MDGA2: variants seen among roughly 807,000 people sequenced by gnomAD.
The protein encoded by MDGA2 is MAM domain containing glycosylphosphatidylinositol anchor 2, also known as MAM domain-containing glycosylphosphatidylinositol anchor protein 2.
Under a neutral mutation model 117.8 loss-of-function variants are expected in MDGA2, and 40 were observed. That is an observed-to-expected ratio of 0.34 (90% confidence interval 0.26 to 0.44). The LOEUF is 0.44. Ranked by LOEUF, MDGA2 falls within the 20% of genes least tolerant of loss-of-function variation. The pLI, the probability that MDGA2 is intolerant of heterozygous loss-of-function variation, is 1.00. For missense variants in MDGA2, 1,123 were observed against 1,250.6 expected (o/e 0.90, Z 1.54); for synonymous variants, 452 against 439.0 (o/e 1.03, Z -0.37).
chr14:47,090,276 T>A (rs955044932), intron 6 of MDGA2, among the ~76,000 whole-genome samples: 1 of 152,134 alleles, frequency 6.6e-6, no homozygotes, highest in African/African-American at 2.4e-5. Flanking sequence ...GAAAGTGAAA[T>A]TCATGCCTCA....
In MDGA2 at chr14:46,909,365, A is replaced by G. The variant is rs527995785; in HGVS notation, c.2238+10647T>C. On this transcript the variant is annotated intron_variant, in intron 10 of 16. Transcript: ENST00000399232. ...AGTATTTGGTTCTTTTATTTCTTAC[A>G]AGTTCAAGGAAGAACATTTTTTTTC... Among the ~76,000 whole-genome samples the G allele has an allele frequency of 2.0e-5, 3 of 152,262 alleles. No individual in the cohort carries two copies. The South Asian group carries it at 6.2e-4, about 32-fold the overall frequency.
intron 1 of MDGA2, among the ~76,000 whole-genome samples, chr14:47,595,511 G>C (rs1201685981): frequency 6.9e-6 from 1 of 145,576 alleles, no homozygotes; most frequent in Non-Finnish European, 1.5e-5. Flanking sequence ...TCCAGCCTAG[G>C]TGACGAGTGA....
Position 47,617,545 on chromosome 14 carries a change from T to C in MDGA2, c.280+56972A>G, listed in dbSNP as rs11847450. Among the ~76,000 whole-genome samples, 271 of 152,286 alleles carry C rather than the reference T, an allele frequency of 1.8e-3. 2 individuals are homozygous for C. The highest frequency in any genetic ancestry group is 6.2e-3 in the African/African-American group (259 of 41,556). The stretch of plus-strand genomic sequence containing the variant: ...ATGAAAAACTGGTGAGCTTGCATGC[T>C]GCTGTCAAGTCAGTACAGTTTTAAA... On this transcript the variant is annotated intron_variant, in intron 1 of 16. Transcript: ENST00000399232.
intron 1 of MDGA2, among the ~76,000 whole-genome samples, chr14:47,498,983 T>A (rs1362115966): frequency 6.6e-6 from 1 of 151,938 alleles, no homozygotes; most frequent in Non-Finnish European, 1.5e-5. Context: ...CACTCAATAT[T>A]TTAATACTTA....
intron 6 of MDGA2, among the ~76,000 whole-genome samples, chr14:47,076,878 TAG>T (rs1228451915): frequency 1.3e-5 from 2 of 152,128 alleles, no homozygotes; most frequent in African/African-American, 4.8e-5. Context: ...GGAAACAAAA[TAG>T]AGTCATAATT....
At chr14:47,543,549 C>T (rs1012590274) in intron 1 of MDGA2, among the ~76,000 whole-genome samples, 1 of 152,196 alleles carries the variant, frequency 6.6e-6, no homozygotes, top group African/African-American at 2.4e-5. Context: ...AATATAACTT[C>T]TGAGCAGATG....
intron 1 of MDGA2, among the ~76,000 whole-genome samples, chr14:47,534,568 A>T (rs1455718364): frequency 6.6e-6 from 1 of 152,140 alleles, no homozygotes; most frequent in African/African-American, 2.4e-5. Flanking sequence ...AGATCTCGTG[A>T]GAACTCGCTC....
intron 1 of MDGA2, among the ~76,000 whole-genome samples, chr14:47,459,131 A>T (rs1450738237): frequency 6.6e-6 from 1 of 151,896 alleles, no homozygotes; most frequent in Non-Finnish European, 1.5e-5. Context: ...CACCTCCAGA[A>T]GGAAATGTGA....
At chr14:47,370,468 GTTTTTTTTTTTTTT>G (rs67255552) in intron 1 of MDGA2, among the ~76,000 whole-genome samples, 1 of 20,678 alleles carries the variant, frequency 4.8e-5, no homozygotes, top group African/African-American at 1.3e-4. Flanking sequence ...TCTACTTACT[GTTTTTTTTTTTTTT>G]TTTTTTTTTT....
At chr14:47,606,482 T>A (rs78769990) in intron 1 of MDGA2, among the ~76,000 whole-genome samples, 4,985 of 152,280 alleles carry the variant, frequency 0.033, 286 homozygotes, top group African/African-American at 0.11. Flanking sequence ...TTATTATATT[T>A]ATCACATGTC....
chr14:47,659,612 G>A (rs1020504714), intron 1 of MDGA2, among the ~76,000 whole-genome samples: 1 of 152,114 alleles, frequency 6.6e-6, no homozygotes, highest in African/African-American at 2.4e-5. Flanking sequence ...ACAACATAGA[G>A]ATGTACTTAA....
chr14:47,451,064 T>C (rs1893231581), intron 1 of MDGA2, among the ~76,000 whole-genome samples: 1 of 152,126 alleles, frequency 6.6e-6, no homozygotes, highest in African/African-American at 2.4e-5. Flanking sequence ...CTCAGTGGAT[T>C]CTTCCCTGTC....
chr14:47,469,296 T>A (rs1257109320), intron 1 of MDGA2, among the ~76,000 whole-genome samples: 6 of 152,044 alleles, frequency 3.9e-5, no homozygotes, highest in Non-Finnish European at 5.9e-5. Context: ...CCTAATGCTA[T>A]CCCTCCCCAC....
At chr14:47,150,828 G>A (rs1883133080) in intron 3 of MDGA2, among the ~76,000 whole-genome samples, 1 of 151,540 alleles carries the variant, frequency 6.6e-6, no homozygotes, top group Non-Finnish European at 1.5e-5. Context: ...GAAGGCTGAG[G>A]CATGAGAATC....
intron 7 of MDGA2, among the ~76,000 whole-genome samples, chr14:47,056,010 T>A (rs181994028): frequency 6.6e-6 from 1 of 152,280 alleles, no homozygotes; most frequent in East Asian, 1.9e-4. Context: ...TACATAACTT[T>A]TGATTGCAGG....
chr14:47,351,684 T>C (rs997080390), intron 1 of MDGA2, among the ~76,000 whole-genome samples: 1 of 152,166 alleles, frequency 6.6e-6, no homozygotes, highest in African/African-American at 2.4e-5. Context: ...ATAAGTTTCA[T>C]GTTAATACCT....
intron 6 of MDGA2, among the ~76,000 whole-genome samples, chr14:47,064,724 T>C (rs1438626720): frequency 6.6e-6 from 1 of 152,114 alleles, no homozygotes; most frequent in East Asian, 1.9e-4. Flanking sequence ...CAATTGTGCC[T>C]GAGTTTTGAA....
At chr14:47,139,362 C>G (rs1033922782) in intron 4 of MDGA2, among the ~76,000 whole-genome samples, 1 of 152,018 alleles carries the variant, frequency 6.6e-6, no homozygotes, top group African/African-American at 2.4e-5. Flanking sequence ...ACCTTGAGTG[C>G]TCCCTCCATA....
intron 1 of MDGA2, among the ~76,000 whole-genome samples, chr14:47,621,585 C>G (rs1161192053): frequency 6.6e-6 from 1 of 152,130 alleles, no homozygotes; most frequent in Non-Finnish European, 1.5e-5. Flanking sequence ...TATAACACAT[C>G]AAAACATGGG....
Sources: allele counts gnomAD v4.1 joint callset (sites outside exome capture counted in the v4.1 genomes callset), GRCh38; gene constraint gnomAD v4.1.1; transcripts MANE v1.5; gene names NCBI Gene and HGNC (gene_info 2026-07-23, HGNC 2026-07-21).